Variants in SUPT3H observed in about 807,000 individuals in gnomAD.
SUPT3H encodes the protein transcription initiation protein SPT3 homolog.
In SUPT3H, 44 loss-of-function variants were observed where a neutral mutation model predicts 44.3. The observed-to-expected ratio is 0.99, with a 90% CI of 0.78 to 1.28. The LOEUF (loss-of-function observed/expected upper bound fraction) is 1.28. SUPT3H is among the 50% of genes most tolerant of loss of function. The pLI is 0.00. For synonymous variants in SUPT3H, 124 were observed against 125.6 expected (o/e 0.99, Z 0.09); for missense variants, 380 against 387.1 (o/e 0.98, Z 0.15).
At chr6:45,178,116 C>A (rs531841948) in intron 2 of SUPT3H, among the ~76,000 whole-genome samples, 1 of 152,188 alleles carries the variant, frequency 6.6e-6, no homozygotes, top group South Asian at 2.1e-4. Context: ...TTAGAAGACA[C>A]AGACTGGCAA....
chr6:45,157,642 G>A (rs973026627), intron 2 of SUPT3H, among the ~76,000 whole-genome samples: 4 of 151,744 alleles, frequency 2.6e-5, no homozygotes, highest in Admixed American at 1.3e-4. Context: ...TCCAGCTCCC[G>A]GGTTGAAGCT....
intron 1 of SUPT3H, among the ~76,000 whole-genome samples, chr6:45,369,000 A>G (rs1169663492): frequency 2.6e-5 from 4 of 152,124 alleles, no homozygotes; most frequent in African/African-American, 9.7e-5. Context: ...ATCACTGAGA[A>G]TGAAAAAAAT....
At chr6:45,299,702 C>G (rs895770890) in intron 2 of SUPT3H, among the ~76,000 whole-genome samples, 1 of 150,766 alleles carries the variant, frequency 6.6e-6, no homozygotes, top group Admixed American at 6.6e-5. Context: ...ATCACTTAAG[C>G]CAAGGAGTTT....
intron 2 of SUPT3H, among the ~76,000 whole-genome samples, chr6:45,322,704 T>C (rs1257245718): frequency 6.6e-6 from 1 of 152,118 alleles, no homozygotes; most frequent in Non-Finnish European, 1.5e-5. Flanking sequence ...TACACAGTAA[T>C]GAAACTGGCA....
intron 2 of SUPT3H, chr6:45,321,694 G>T: frequency 1.2e-6 from 1 of 840,272 alleles, no homozygotes. Flanking sequence ...GTAAGCACCA[G>T]ATCTTTCTCT....
intron 2 of SUPT3H, among the ~76,000 whole-genome samples, chr6:45,135,174 C>T (rs1292968891): frequency 6.6e-6 from 1 of 152,118 alleles, no homozygotes; most frequent in African/African-American, 2.4e-5. Context: ...CTGAAGTCTC[C>T]CTGGCACCTT....
At chr6:45,070,585 C>T (rs1794208967) in intron 3 of SUPT3H, among the ~76,000 whole-genome samples, 1 of 151,230 alleles carries the variant, frequency 6.6e-6, no homozygotes, top group African/African-American at 2.4e-5. Context: ...ACTAAAAATA[C>T]AAAAAATTGG....
At chr6:45,187,434 CCA>C (rs1299805298) in intron 2 of SUPT3H, among the ~76,000 whole-genome samples, 3 of 151,862 alleles carry the variant, frequency 2.0e-5, no homozygotes, top group Non-Finnish European at 4.4e-5. Flanking sequence ...AAAAGACAAC[CCA>C]CACACAGATT....
rs553763448 is a variant in SUPT3H at position 45,373,239 on chromosome 6, C to T, written c.-1+4529G>A. 7.2e-5 allele frequency among the ~76,000 whole-genome samples: 11 copies of T among 152,214 alleles called. No individual in the cohort carries two copies. In the East Asian group the frequency reaches 1.2e-3, roughly 16 times the overall value. ...TATTACAGGCATGAAGTCACAGAGC[C>T]GGCCACGATTTTCATGTTCATTATC... is the stretch of plus-strand genomic sequence containing the variant. On this transcript the variant is annotated intron_variant, in intron 1 of 10. Transcript: ENST00000371459.
At position 45,272,801 on chromosome 6, in the gene SUPT3H, T is replaced by A. The variant is rs1370822524; in HGVS notation, c.101+92400A>T. Reference sequence around the variant, plus strand: ...TTCTCAAAACACTCTAATAATAAGATGTTATCATTCTTTGGCCCTCCAGAA... The same window carrying A: ...TTCTCAAAACACTCTAATAATAAGAAGTTATCATTCTTTGGCCCTCCAGAA... On this transcript the variant is annotated intron_variant, in intron 2 of 10. Transcript: ENST00000371459. Among the ~76,000 whole-genome samples, 17 of 124,994 alleles carry A rather than the reference T, an allele frequency of 1.4e-4. No individual in the cohort carries two copies. The South Asian group carries it at 4.5e-3, about 33-fold the overall frequency. 82.0% of individuals were successfully genotyped at this position (124,994 alleles called of 152,430 possible).
intron 6 of SUPT3H, among the ~76,000 whole-genome samples, chr6:44,990,256 C>T (rs1230541742): frequency 2.0e-5 from 3 of 152,038 alleles, no homozygotes; most frequent in African/African-American, 7.2e-5. Context: ...CCCCATTGTG[C>T]ATTCTTGACA....
chr6:45,322,020 T>A (rs1378934319), intron 2 of SUPT3H: 3 of 577,546 alleles, frequency 5.2e-6, no homozygotes, highest in African/African-American at 3.9e-5. Context: ...TTTAATATTG[T>A]TAATACTAAT....
chr6:45,039,443 C>T (rs751974137), intron 3 of SUPT3H, among the ~76,000 whole-genome samples: 4 of 151,856 alleles, frequency 2.6e-5, no homozygotes, highest in Middle Eastern at 3.2e-3. Flanking sequence ...TATTTCTGTA[C>T]TATTAAAGAA....
rs1157192510 is a variant in SUPT3H at position 45,182,147 on chromosome 6, T to C, written c.102-76141A>G. On this transcript the variant is annotated intron_variant, in intron 2 of 10. Transcript: ENST00000371459. The stretch of plus-strand genomic sequence containing the variant: ...TCATAATAGAAGGAGCTGATGCCTG[T>C]AACAAAATTCCAACGTTTAGTGTTG... 4.6e-5 allele frequency among the ~76,000 whole-genome samples: 7 copies of C among 152,340 alleles called. No homozygotes were observed. In the South Asian group the frequency reaches 8.3e-4, roughly 18 times the overall value.
chr6:44,961,382 C>G (rs1046507291), intron 7 of SUPT3H, among the ~76,000 whole-genome samples: 2 of 152,084 alleles, frequency 1.3e-5, no homozygotes, highest in Non-Finnish European at 2.9e-5. Context: ...GTCATGACTA[C>G]TATTAGAGTC....
intron 2 of SUPT3H, among the ~76,000 whole-genome samples, chr6:45,281,653 C>A (rs956381174): frequency 1.5e-4 from 23 of 152,158 alleles, no homozygotes; most frequent in South Asian, 2.1e-4. Context: ...TCTGTAGACT[C>A]CACCTCTGGG....
intron 3 of SUPT3H, among the ~76,000 whole-genome samples, chr6:45,028,017 T>C (rs1562294458): frequency 6.6e-6 from 1 of 152,222 alleles, no homozygotes; most frequent in Non-Finnish European, 1.5e-5. Context: ...AAGGTCTATC[T>C]TGAAATATTT....
intron 2 of SUPT3H, among the ~76,000 whole-genome samples, chr6:45,123,255 T>C (rs1217610768): frequency 6.6e-6 from 1 of 152,186 alleles, no homozygotes; most frequent in African/African-American, 2.4e-5. Flanking sequence ...GTAAATGAGA[T>C]ACAAATAAGC....
chr6:45,106,206 A>G (rs973626230), intron 2 of SUPT3H, among the ~76,000 whole-genome samples, 200 bp from the exon 3 acceptor site: 10 of 152,134 alleles, frequency 6.6e-5, no homozygotes, highest in Admixed American at 5.9e-4. Context: ...CCGGAGCGGG[A>G]GGATCACTTG....
Sources: allele counts gnomAD v4.1 joint callset (sites outside exome capture counted in the v4.1 genomes callset), GRCh38; gene constraint gnomAD v4.1.1; transcripts MANE v1.5; gene names NCBI Gene and HGNC (gene_info 2026-07-23, HGNC 2026-07-21).